The following UBE4B variants were observed in gnomAD, a reference collection of about 807,000 sequenced individuals.
UBE4B encodes the protein ubiquitination factor E4B, also known as ubiquitin conjugation factor E4 B.
In UBE4B, 27 loss-of-function variants were observed where a neutral mutation model predicts 148.1. That is an observed-to-expected ratio of 0.18 (90% confidence interval 0.13 to 0.25). The LOEUF (loss-of-function observed/expected upper bound fraction) is 0.25. Among genes scored for constraint, UBE4B ranks in the 10% least tolerant of loss-of-function variants. The pLI, the probability that UBE4B is intolerant of heterozygous loss-of-function variation, is 1.00. For synonymous variants in UBE4B, 596 were observed against 619.3 expected, an observed-to-expected ratio of 0.96 and a Z score of 0.56; for missense variants, 1,170 against 1,662.4, an observed-to-expected ratio of 0.70 and a Z score of 5.15.
intron 25 of UBE4B, among the ~76,000 whole-genome samples, chr1:10,173,545 G>A (rs1299925339): frequency 1.3e-5 from 2 of 151,456 alleles, no homozygotes; most frequent in East Asian, 1.9e-4. Flanking sequence ...ACTAGCCCCC[G>A]ACTATATAAT....
chr1:10,062,496 A>G (rs150616370), intron 1 of UBE4B, among the ~76,000 whole-genome samples: 32 of 152,200 alleles, frequency 2.1e-4, no homozygotes, highest in African/African-American at 7.5e-4. Context: ...TATTTTTAGT[A>G]GAGACGAGGT....
intron 1 of UBE4B, among the ~76,000 whole-genome samples, chr1:10,068,692 C>T (rs1644432717): frequency 6.6e-6 from 1 of 152,164 alleles, no homozygotes; most frequent in South Asian, 2.1e-4. Context: ...CTCCATGTTG[C>T]CCAGGCTGGA....
chr1:10,033,680 C>T lies in UBE4B; in HGVS notation c.10C>T (p.Leu4=). Residue 4 remains leucine, a synonymous_variant, in exon 1 of 28, where the codon CTG becomes TTG. Transcript: ENST00000343090. The stretch of plus-strand genomic sequence containing the variant: ...CATTAAGAGGAAAGCGATGGAGGAG[C>T]TGAGCGCTGATGAGGTGAGGAGGTT... MEE[L]SADEIRRRRL... The T allele has an allele frequency of 6.4e-7, 1 of 1,571,008 alleles. No homozygotes were observed. Among genetic ancestry groups the T allele is most frequent in the Non-Finnish European group, 8.6e-7 (1 of 1,159,516 alleles).
intron 1 of UBE4B, among the ~76,000 whole-genome samples, chr1:10,057,556 C>T (rs551608579): frequency 5.4e-4 from 82 of 151,178 alleles, no homozygotes; most frequent in African/African-American, 1.9e-3. Context: ...AGGCACACAC[C>T]ACCATGCCAG....
intron 21 of UBE4B, among the ~76,000 whole-genome samples, chr1:10,153,636 A>G (rs1306790983): frequency 6.6e-6 from 1 of 151,980 alleles, no homozygotes; most frequent in African/African-American, 2.4e-5. Flanking sequence ...CCTGACCAAA[A>G]TGGTGAATCC....
chr1:10,165,256 G>T (rs1393792708), intron 23 of UBE4B, among the ~76,000 whole-genome samples: 3 of 152,144 alleles, frequency 2.0e-5, no homozygotes, highest in Non-Finnish European at 2.9e-5. Context: ...TCTACCAGCT[G>T]CTCAGGCTCG....
chr1:10,045,165 G>A (rs1643887458), intron 1 of UBE4B, among the ~76,000 whole-genome samples: 2 of 152,140 alleles, frequency 1.3e-5, no homozygotes, highest in Admixed American at 6.6e-5. Context: ...GTAGTAATGC[G>A]AGTGATGGGG....
intron 2 of UBE4B, among the ~76,000 whole-genome samples, chr1:10,082,185 T>C (rs1644693259): frequency 1.3e-5 from 2 of 152,170 alleles, no homozygotes; most frequent in African/African-American, 4.8e-5. Context: ...ATGTGGCTTA[T>C]ATTTTAGTGA....
intron 19 of UBE4B, 75 bp downstream of exon 19, chr1:10,147,165 A>C: frequency 6.3e-7 from 1 of 1,596,394 alleles, no homozygotes; most frequent in Non-Finnish European, 8.6e-7. Flanking sequence ...TTCAAAGTTG[A>C]TAACTAAAAC....
At chr1:10,116,689 G>A (rs1645315180) in intron 7 of UBE4B, among the ~76,000 whole-genome samples, 2 of 152,062 alleles carry the variant, frequency 1.3e-5, no homozygotes, top group Admixed American at 6.6e-5. Context: ...TTATCTCAGA[G>A]GATAGTTACT....
At chr1:10,064,850 A>G (rs1309146808) in intron 1 of UBE4B, among the ~76,000 whole-genome samples, 1 of 147,888 alleles carries the variant, frequency 6.8e-6, no homozygotes, top group African/African-American at 2.5e-5. Flanking sequence ...TGCAGCCTCC[A>G]CCTCCCGGGT....
chr1:10,151,440 A>G lies in UBE4B; in HGVS notation c.2805A>G (p.Val935=), dbSNP rs372715295. The change falls in exon 21 of 28, where the codon GTA becomes GTG. Residue 935 remains valine (V), a synonymous_variant. Transcript: ENST00000343090. ...ACCCATATTTGGTGGCCAAACTGGT[A>G]GAAGTCATGTTTATGACCAACCCTG... ...IRNPYLVAKL[V]EVMFMTNPAV... is the part of the protein sequence containing the mutation. 64 of 1,614,096 alleles carry G rather than the reference A, an allele frequency of 4.0e-5. No homozygotes were observed. Among genetic ancestry groups the G allele is most frequent in the Non-Finnish European group, 5.3e-5 (63 of 1,180,044 alleles).
At position 10,168,116 on chromosome 1, in the gene UBE4B, G is replaced by A. The variant is rs368660126; in HGVS notation, c.3199-20G>A. Reference sequence around the variant, plus strand: ...TGACCAGGACCGAGCCTTACTCAGCGTCTGTTCGATGTGTCCTAGGATCAG... The same window carrying A: ...TGACCAGGACCGAGCCTTACTCAGCATCTGTTCGATGTGTCCTAGGATCAG... On this transcript the variant is annotated intron_variant, in intron 23 of 27. Transcript: ENST00000343090. This position sits in a 1 kb window ranked among gnomAD's most constrained non-coding sequence, Gnocchi z 4.9. 153 of 1,607,946 alleles carry A rather than the reference G, an allele frequency of 9.5e-5. No individual in the cohort carries two copies. The highest frequency in any genetic ancestry group is 3.3e-4 in the Middle Eastern group (2 of 6,066).
intron 1 of UBE4B, among the ~76,000 whole-genome samples, chr1:10,061,295 C>T (rs1253622955): frequency 6.6e-6 from 1 of 152,100 alleles, no homozygotes; most frequent in Admixed American, 6.6e-5. Context: ...TCCCTGTCAC[C>T]CAGGCTGGAG....
intron 2 of UBE4B, among the ~76,000 whole-genome samples, chr1:10,092,656 C>T (rs922576449): frequency 1.3e-5 from 2 of 152,032 alleles, no homozygotes; most frequent in Middle Eastern, 3.2e-3. Flanking sequence ...GGTTAAACCC[C>T]ATCTCTACTA....
chr1:10,122,344 C>G (rs1324083055), intron 10 of UBE4B, among the ~76,000 whole-genome samples: 2 of 152,056 alleles, frequency 1.3e-5, no homozygotes, highest in East Asian at 3.8e-4. Context: ...ATGTAAGGCC[C>G]CGTTCCTGAT....
intron 1 of UBE4B, among the ~76,000 whole-genome samples, chr1:10,068,283 GC>G (rs1557526047): frequency 6.6e-6 from 1 of 151,878 alleles, no homozygotes; most frequent in Non-Finnish European, 1.5e-5. Flanking sequence ...ACCTACCTTG[GC>G]CTCCCAAAAT....
intron 2 of UBE4B, among the ~76,000 whole-genome samples, chr1:10,080,964 C>T (rs997640232): frequency 6.6e-6 from 1 of 152,082 alleles, no homozygotes; most frequent in African/African-American, 2.4e-5. Context: ...TCAGTTAGAT[C>T]AGAGGAAAAA....
intron 3 of UBE4B, among the ~76,000 whole-genome samples, chr1:10,096,610 T>A (rs1433341121): frequency 6.6e-6 from 1 of 152,014 alleles, no homozygotes; most frequent in East Asian, 1.9e-4. Context: ...TAATCTCAGC[T>A]ACTGGGGAGG....
Sources: gnomAD v4.1 joint callset for allele counts (sites outside exome capture counted in the v4.1 genomes callset) on GRCh38, gnomAD v4.1.1 for gene constraint, Gnocchi (gnomAD v3.1) non-coding constraint, MANE v1.5 for transcripts, NCBI Gene and HGNC (gene_info 2026-07-23, HGNC 2026-07-21) for gene names.